Variants in ATP10B observed in about 807,000 individuals in gnomAD.
The protein encoded by ATP10B is phospholipid-transporting ATPase VB.
A neutral mutation model predicts 141.2 loss-of-function variants in ATP10B; 122 were observed. The ratio of observed to expected loss-of-function variants is 0.86; its 90% CI spans 0.75 to 1.00. The LOEUF (loss-of-function observed/expected upper bound fraction) is 1.00. Among genes scored for constraint, ATP10B ranks in the 50% least tolerant of loss-of-function variants. The pLI, the probability that ATP10B is intolerant of heterozygous loss-of-function variation, is 0.00. For missense variants in ATP10B, 1,876 were observed against 1,825.3 expected (o/e 1.03, Z -0.51); for synonymous variants, 685 against 692.0 (o/e 0.99, Z 0.16).
chr5:160,787,929 A>G (rs2127900073), intron 1 of ATP10B, among the ~76,000 whole-genome samples: 1 of 152,318 alleles, frequency 6.6e-6, no homozygotes, highest in East Asian at 1.9e-4. Flanking sequence ...CGTTTCAATT[A>G]ACAATCCAGA....
intron 25 of ATP10B, among the ~76,000 whole-genome samples, chr5:160,567,497 G>T (rs185385924): frequency 3.3e-5 from 5 of 152,210 alleles, no homozygotes; most frequent in Admixed American, 2.6e-4. Flanking sequence ...TCCTTTGGGG[G>T]CCTGGCCCAT....
intron 21 of ATP10B, among the ~76,000 whole-genome samples, chr5:160,601,036 A>G (rs1453393083): frequency 1.3e-5 from 2 of 151,988 alleles, no homozygotes; most frequent in Non-Finnish European, 2.9e-5. Flanking sequence ...CTTATTCAAA[A>G]GAATTATTCC....
chr5:160,925,580 A>T, the ATP10B span, among the ~76,000 whole-genome samples: 152 of 152,326 alleles, frequency 1.0e-3, no homozygotes, highest in Non-Finnish European at 1.8e-3. Context: ...GGCAGATACG[A>T]AGTAGTAAAT....
intron 1 of ATP10B, among the ~76,000 whole-genome samples, chr5:160,825,788 A>G (rs1265655269): frequency 6.6e-6 from 1 of 152,154 alleles, no homozygotes; most frequent in Non-Finnish European, 1.5e-5. Context: ...TTTTCAACAC[A>G]TACTCCTCTT....
intron 3 of ATP10B, among the ~76,000 whole-genome samples, chr5:160,708,069 G>GA (rs1331412573): frequency 6.6e-6 from 1 of 152,096 alleles, no homozygotes; most frequent in Non-Finnish European, 1.5e-5. Flanking sequence ...TGGATGTTTA[G>GA]AAAAACCACT....
rs201943961 is a variant in ATP10B at position 160,686,261 on chromosome 5, G to C, written c.288C>G (p.Leu96=). 2 of 1,594,462 alleles carry C rather than the reference G, an allele frequency of 1.3e-6. No homozygotes were observed. The highest frequency in any genetic ancestry group is 4.5e-5 in the East Asian group (2 of 44,444). ...LFEQFHRWAN[L]YFLFLVILNW... is the part of the protein sequence containing the mutation. ...TCAAAATCACCAGGAACAGGAAATA[G>C]AGGTTAGCCCATCTGGAGGGGCAAG... Residue 96 remains leucine (L), a synonymous_variant, in exon 6 of 26, where the codon CTC becomes CTG. Transcript: ENST00000327245.
chr5:160,810,894 G>T, intron 1 of ATP10B, among the ~76,000 whole-genome samples: 1 of 151,976 alleles, frequency 6.6e-6, no homozygotes, highest in Non-Finnish European at 1.5e-5. Flanking sequence ...TATCCTATTT[G>T]GGGTTTGTTC....
intron 6 of ATP10B, among the ~76,000 whole-genome samples, chr5:160,681,941 T>G (rs1426434017): frequency 6.6e-6 from 1 of 152,180 alleles, no homozygotes; most frequent in East Asian, 1.9e-4. Context: ...CAGCTCTGCC[T>G]CCTAGGATAA....
chr5:160,736,778 C>A (rs1767145473), intron 2 of ATP10B, among the ~76,000 whole-genome samples: 1 of 152,036 alleles, frequency 6.6e-6, no homozygotes, highest in Admixed American at 6.6e-5. Context: ...AAAAAGTCTA[C>A]TAGTAAAGAA....
chr5:160,716,183 A>G (rs1765645436), intron 3 of ATP10B, among the ~76,000 whole-genome samples: 1 of 152,240 alleles, frequency 6.6e-6, no homozygotes, highest in Non-Finnish European at 1.5e-5. Context: ...TCCATCAAAG[A>G]GTAGAATAAA....
At chr5:160,647,763 G>T (rs1441651142) in intron 8 of ATP10B, among the ~76,000 whole-genome samples, 1 of 152,116 alleles carries the variant, frequency 6.6e-6, no homozygotes, top group Non-Finnish European at 1.5e-5. Context: ...TGCAGCAAAG[G>T]CCTTTTCCCC....
At chr5:160,730,437 T>C (rs758509462) in intron 2 of ATP10B, among the ~76,000 whole-genome samples, 9 of 152,038 alleles carry the variant, frequency 5.9e-5, no homozygotes, top group Non-Finnish European at 1.2e-4. Flanking sequence ...CAGGAATTCA[T>C]TGGCCTCCTA....
chr5:160,581,975 CT>C (rs1041744110), intron 24 of ATP10B, among the ~76,000 whole-genome samples: 3 of 151,784 alleles, frequency 2.0e-5, no homozygotes. Flanking sequence ...TGCAACCCTG[CT>C]TTTTTTTGTT....
At chr5:160,755,907 T>C (rs1354144319) in intron 2 of ATP10B, among the ~76,000 whole-genome samples, 2 of 144,952 alleles carry the variant, frequency 1.4e-5, no homozygotes, top group African/African-American at 5.0e-5. Context: ...CTGTCATATA[T>C]GTGGTCTGTC....
chr5:160,814,583 T>G (rs932406064), intron 1 of ATP10B, among the ~76,000 whole-genome samples: 1 of 150,786 alleles, frequency 6.6e-6, no homozygotes. Flanking sequence ...CCAGGAGAAC[T>G]TCCCCAATCT....
intron 11 of ATP10B, among the ~76,000 whole-genome samples, chr5:160,634,909 T>A (rs147561938): frequency 6.6e-6 from 1 of 152,340 alleles, no homozygotes; most frequent in East Asian, 1.9e-4. Context: ...TTTAGATCTC[T>A]GTGCCACCAA....
chr5:160,902,971 T>C, the ATP10B span, among the ~76,000 whole-genome samples: 3 of 152,182 alleles, frequency 2.0e-5, no homozygotes, highest in Non-Finnish European at 4.4e-5. Context: ...GAGAACCTGC[T>C]AGGAGGATCT....
chr5:160,568,251 A>G (rs938259097), intron 25 of ATP10B, among the ~76,000 whole-genome samples: 5 of 152,148 alleles, frequency 3.3e-5, no homozygotes, highest in African/African-American at 4.8e-5. Context: ...GGGGGAATTT[A>G]TGGTGAAGAG....
chr5:160,708,157 T>C (rs567291782), intron 3 of ATP10B, among the ~76,000 whole-genome samples: 3 of 152,088 alleles, frequency 2.0e-5, no homozygotes, highest in Admixed American at 6.5e-5. Context: ...TCCAGGGAGG[T>C]TGACAACCAC....
Sources: allele counts gnomAD v4.1 joint callset (sites outside exome capture counted in the v4.1 genomes callset), GRCh38; gene constraint gnomAD v4.1.1; transcripts MANE v1.5; gene names NCBI Gene and HGNC (gene_info 2026-07-23, HGNC 2026-07-21).